Variants in BCAS3 observed in about 807,000 individuals in gnomAD.
BCAS3 encodes BCAS3 microtubule associated cell migration factor.
A neutral mutation model predicts 116.1 loss-of-function variants in BCAS3; 53 were observed. The ratio of observed to expected loss-of-function variants is 0.46; its 90% confidence interval spans 0.37 to 0.57. The LOEUF is 0.57. BCAS3 is among the 20% of genes least tolerant of loss of function. The pLI, the probability that BCAS3 is intolerant of heterozygous loss-of-function variation, is 0.00. For synonymous variants in BCAS3, 391 were observed against 408.2 expected (o/e 0.96, Z 0.51); for missense variants, 917 against 1,165.4 (o/e 0.79, Z 3.10).
At chr17:60,987,905 A>G (rs1373505584) in intron 14 of BCAS3, among the ~76,000 whole-genome samples, 2 of 152,174 alleles carry the variant, frequency 1.3e-5, no homozygotes, top group East Asian at 1.9e-4. Context: ...CTTGTTCCAT[A>G]TCTTGGCAGA....
intron 6 of BCAS3, among the ~76,000 whole-genome samples, chr17:60,796,213 G>A (rs1480794730): frequency 6.6e-6 from 1 of 152,132 alleles, no homozygotes; most frequent in African/African-American, 2.4e-5. Context: ...ATCCTTCCCT[G>A]GTTTTGGTAT....
chr17:61,253,862 GA>G (rs1008376617), intron 22 of BCAS3, among the ~76,000 whole-genome samples: 4 of 152,104 alleles, frequency 2.6e-5, no homozygotes, highest in African/African-American at 9.7e-5. Flanking sequence ...TTACATGGGG[GA>G]AAACTGAAGC....
chr17:60,773,469 T>G (rs1352673632), intron 6 of BCAS3, among the ~76,000 whole-genome samples: 1 of 151,890 alleles, frequency 6.6e-6, no homozygotes, highest in Non-Finnish European at 1.5e-5. Flanking sequence ...ATTTTTGTAT[T>G]TTTTGTAGAG....
In BCAS3 at chr17:61,188,284, CTTCTCTT is replaced by C. The variant is rs1204445065; in HGVS notation, c.2425+103728_2425+103734del. Among the ~76,000 whole-genome samples, 1 of 152,224 alleles carries C rather than the reference CTTCTCTT, an allele frequency of 6.6e-6. No homozygotes were observed. The highest frequency in any genetic ancestry group is 1.5e-5 in the Non-Finnish European group (1 of 68,040). On this transcript the variant is annotated intron_variant, in intron 22 of 23. Transcript: ENST00000407086. The surrounding 1 kb of genome is among the most constrained non-coding windows in gnomAD (Gnocchi z 4.0). Reference sequence around the variant, plus strand: ...GTACCCTGATACCTGAAACCTCCTACTTCTCTTTTCTCTTCAGCCAAAAGTATTACCT... The same window carrying C: ...GTACCCTGATACCTGAAACCTCCTACTTCTCTTCAGCCAAAAGTATTACCT...
In BCAS3 at chr17:61,051,246, C is replaced by T. The variant is rs975832828; in HGVS notation, c.2029+10354C>T. On this transcript the variant is annotated intron_variant, in intron 19 of 23. Transcript: ENST00000407086. This position sits in a 1 kb window ranked among gnomAD's most constrained non-coding sequence, Gnocchi z 4.1. The stretch of plus-strand genomic sequence containing the variant: ...CATTTATATAACATTCTCAAAATGA[C>T]AAAATTATAGAGATAGATAATAGAT... 2.0e-5 allele frequency among the ~76,000 whole-genome samples: 3 copies of T among 151,836 alleles called. No homozygotes were observed. The highest frequency in any genetic ancestry group is 4.2e-4 in the South Asian group (2 of 4,808).
In BCAS3 at chr17:61,324,635, C is replaced by T. The variant is rs905565877; in HGVS notation, c.2426-43692C>T. ...TGGGGTCAGCAGCCTGGCGTCCAGC[C>T]CTGCCAGCCACTAGCTGTTTGACCT... is the stretch of plus-strand genomic sequence containing the variant. On this transcript the variant is annotated intron_variant, in intron 22 of 23. Coordinates refer to ENST00000407086, the MANE Select transcript of BCAS3 (RefSeq NM_017679.5). This position sits in a 1 kb window ranked among gnomAD's most constrained non-coding sequence, Gnocchi z 4.6. Among the ~76,000 whole-genome samples the T allele has an allele frequency of 1.2e-3, 183 of 152,212 alleles. 2 individuals carry two copies. The highest frequency in any genetic ancestry group is 2.5e-4 in the Non-Finnish European group (17 of 68,032).
chr17:61,015,638 T>G (rs771427248), intron 15 of BCAS3, 113 bp from the exon 16 acceptor site: 1 of 1,055,054 alleles, frequency 9.5e-7, no homozygotes, highest in Non-Finnish European at 1.4e-6. Context: ...CAATTCTACC[T>G]TTGATGCCTT....
In BCAS3 at chr17:61,084,740, T is replaced by C. The variant is rs765405202; in HGVS notation, c.2425+176T>C. Among the ~76,000 whole-genome samples the C allele has an allele frequency of 1.3e-5, 2 of 152,244 alleles. No individual in the cohort carries two copies. The highest frequency in any genetic ancestry group is 2.9e-5 in the Non-Finnish European group (2 of 68,036). Reference sequence around the variant, plus strand: ...ATTTCTTGCTGAACAATGCCATGCTTTTAAGCATTCCTAAGGTTGGTGAAT... The same window carrying C: ...ATTTCTTGCTGAACAATGCCATGCTCTTAAGCATTCCTAAGGTTGGTGAAT... On this transcript the variant is annotated intron_variant, in intron 22 of 23. Transcript: ENST00000407086. The surrounding 1 kb of genome is among the most constrained non-coding windows in gnomAD (Gnocchi z 5.5).
At position 61,214,036 on chromosome 17, in the gene BCAS3, C is replaced by T. The variant is rs1450872457; in HGVS notation, c.2425+129472C>T. 6.6e-6 allele frequency among the ~76,000 whole-genome samples: 1 copy of T among 152,080 alleles called. No homozygotes were observed. Among genetic ancestry groups the T allele is most frequent in the East Asian group, 1.9e-4 (1 of 5,192 alleles). On this transcript the variant is annotated intron_variant, in intron 22 of 23. Transcript: ENST00000407086. This position sits in a 1 kb window ranked among gnomAD's most constrained non-coding sequence, Gnocchi z 4.4. ...AGGCTGGAGATTCTACCTAACCTCA[C>T]AGGACTCCTAGCATGGCTGGTTTCA... is the stretch of plus-strand genomic sequence containing the variant.
chr17:60,814,338 T>C (rs891565783), intron 7 of BCAS3, among the ~76,000 whole-genome samples: 2 of 148,888 alleles, frequency 1.3e-5, no homozygotes, highest in African/African-American at 5.1e-5. Context: ...GGGATTGCAT[T>C]CTTGATTTAG....
intron 14 of BCAS3, among the ~76,000 whole-genome samples, chr17:60,984,150 G>A (rs2062981384): frequency 1.3e-5 from 2 of 152,300 alleles, no homozygotes; most frequent in African/African-American, 2.4e-5. Flanking sequence ...CACAATAGTC[G>A]AGATTGGCAG....
intron 6 of BCAS3, among the ~76,000 whole-genome samples, chr17:60,768,934 G>A (rs534684437): frequency 2.6e-5 from 4 of 152,200 alleles, no homozygotes; most frequent in Non-Finnish European, 5.9e-5. Flanking sequence ...CAGGGGTGGA[G>A]CAATGCACTG....
intron 22 of BCAS3, among the ~76,000 whole-genome samples, chr17:61,264,476 T>C (rs998391320): frequency 6.6e-6 from 1 of 151,842 alleles, no homozygotes; most frequent in Non-Finnish European, 1.5e-5. Flanking sequence ...TAGCATGATA[T>C]TGGCTAACTG....
At chr17:60,931,507 G>A (rs1233386913) in intron 13 of BCAS3, among the ~76,000 whole-genome samples, 1 of 152,026 alleles carries the variant, frequency 6.6e-6, no homozygotes, top group Non-Finnish European at 1.5e-5. Context: ...AAACTCCTGA[G>A]CTCAGGCAAT....
chr17:60,992,163 A>G (rs2063561816), intron 15 of BCAS3, among the ~76,000 whole-genome samples: 1 of 148,710 alleles, frequency 6.7e-6, no homozygotes, highest in African/African-American at 2.5e-5. Context: ...ACCACATTAC[A>G]CATTCTTTCG....
At chr17:60,842,080 A>G (rs2051996058) in intron 7 of BCAS3, among the ~76,000 whole-genome samples, 3 of 152,192 alleles carry the variant, frequency 2.0e-5, no homozygotes. Context: ...GGTATGTTAT[A>G]CTTCTGTATA....
intron 14 of BCAS3, among the ~76,000 whole-genome samples, chr17:60,963,916 A>G (rs942689062): frequency 2.0e-5 from 3 of 152,214 alleles, no homozygotes; most frequent in Non-Finnish European, 4.4e-5. Context: ...TTTGCTGATC[A>G]GCTGTAACAA....
At chr17:60,947,585 G>A (rs1599884706) in intron 14 of BCAS3, among the ~76,000 whole-genome samples, 2 of 152,042 alleles carry the variant, frequency 1.3e-5, no homozygotes. Flanking sequence ...TAAAACAGTA[G>A]GGCTGTTTAT....
chr17:61,182,817 C>G (rs967763104), intron 22 of BCAS3, among the ~76,000 whole-genome samples: 1 of 152,222 alleles, frequency 6.6e-6, no homozygotes, highest in African/African-American at 2.4e-5. Context: ...TCCATGTTGT[C>G]GAATGTAGAG....
Sources: allele counts gnomAD v4.1 joint callset (sites outside exome capture counted in the v4.1 genomes callset), GRCh38; gene constraint gnomAD v4.1.1; non-coding constraint Gnocchi (gnomAD v3.1); transcripts MANE v1.5; gene names NCBI Gene and HGNC (gene_info 2026-07-23, HGNC 2026-07-21).